Variants in NPHP4 observed in about 807,000 individuals in gnomAD.
The protein encoded by NPHP4 is nephrocystin 4.
A neutral mutation model predicts 155.8 loss-of-function variants in NPHP4; 151 were observed. The observed-to-expected ratio is 0.97, with a 90% CI of 0.85 to 1.11. The LOEUF is 1.11. Ranked by LOEUF, NPHP4 falls within the 50% of genes least tolerant of loss-of-function variation. NPHP4 has a pLI of 0.00. For missense variants in NPHP4, 1,956 were observed against 1,925.7 expected (o/e 1.02, Z -0.29); for synonymous variants, 845 against 816.8 (o/e 1.03, Z -0.59).
intron 2 of NPHP4, among the ~76,000 whole-genome samples, chr1:5,982,647 T>C (rs1267596246): frequency 6.6e-6 from 1 of 152,264 alleles, no homozygotes; most frequent in Middle Eastern, 3.2e-3. Flanking sequence ...CAGACGTCAC[T>C]GATTTTATAC....
intron 3 of NPHP4, among the ~76,000 whole-genome samples, chr1:5,971,611 C>T (rs1300890790): frequency 6.6e-6 from 1 of 152,244 alleles, no homozygotes; most frequent in African/African-American, 2.4e-5. Context: ...CCTCGGGTCA[C>T]CCCAGCAAAG....
In NPHP4 at chr1:5,952,850, G is replaced by T. The variant is rs956609831; in HGVS notation, c.674-14C>A. 1 of 1,591,258 alleles carries T rather than the reference G, an allele frequency of 6.3e-7. No homozygotes were observed. The highest frequency in any genetic ancestry group is 1.3e-5 in the African/African-American group (1 of 74,204). On this transcript the variant is annotated splice_polypyrimidine_tract_variant and intron_variant, in intron 6 of 29. Coordinates refer to ENST00000378156, the MANE Select transcript of NPHP4 (RefSeq NM_015102.5). ...GGAGAGCGTCGCCTGAAACAGTGAG[G>T]GTGCGAAAAGGGTCATCCTTGGGAA...
At chr1:5,941,729 C>T (rs913414666) in intron 9 of NPHP4, among the ~76,000 whole-genome samples, 12 of 152,212 alleles carry the variant, frequency 7.9e-5, no homozygotes, top group South Asian at 2.1e-4. Context: ...GGACTCCATC[C>T]GGCCAAATCT....
chr1:5,991,035 G>A (rs1656182238), intron 1 of NPHP4, among the ~76,000 whole-genome samples: 1 of 152,118 alleles, frequency 6.6e-6, no homozygotes, highest in Non-Finnish European at 1.5e-5. Context: ...CCCCCGGGAG[G>A]GTGCAGAGGT....
intron 9 of NPHP4, among the ~76,000 whole-genome samples, chr1:5,945,906 C>CG (rs975716075): frequency 2.0e-5 from 3 of 152,082 alleles, no homozygotes; most frequent in Non-Finnish European, 4.4e-5. Context: ...GGCATTGTCC[C>CG]CCCCCAGGGC....
chr1:5,956,335 C>T (rs1454068607), intron 6 of NPHP4, among the ~76,000 whole-genome samples: 3 of 152,210 alleles, frequency 2.0e-5, no homozygotes, highest in Admixed American at 6.5e-5. Flanking sequence ...AAAGCCATTC[C>T]AATAGTTGTG....
At chr1:5,954,957 A>C (rs898633787) in intron 6 of NPHP4, among the ~76,000 whole-genome samples, 1 of 152,210 alleles carries the variant, frequency 6.6e-6, no homozygotes, top group African/African-American at 2.4e-5. Flanking sequence ...CAATGGGAGA[A>C]AATATTTGTA....
chr1:5,964,941 A>ATATTTTTTTTTTTTTTTTTTTTTTT, intron 5 of NPHP4, among the ~76,000 whole-genome samples: 3 of 59,418 alleles, frequency 5.0e-5, no homozygotes, highest in East Asian at 3.9e-4. Context: ...ATATATATAT[A>ATATTTTTTTTTTTTTTTTTTTTTTT]TTTTTTTTTT....
intron 3 of NPHP4, among the ~76,000 whole-genome samples, chr1:5,972,408 G>A (rs918122758): frequency 6.6e-5 from 10 of 152,144 alleles, no homozygotes; most frequent in Admixed American, 6.6e-4. Context: ...ACAGCCCCCT[G>A]CCCCACGAAT....
chr1:5,923,396 AC>A (rs920651196), intron 11 of NPHP4, among the ~76,000 whole-genome samples: 1 of 152,236 alleles, frequency 6.6e-6, no homozygotes, highest in Admixed American at 6.5e-5. Context: ...GGGAAGGCCT[AC>A]CCTGACCCCA....
Position 5,863,897 on chromosome 1 carries a change from G to A in NPHP4, c.4133C>T (p.Ser1378Phe). The change falls in exon 29 of 30, where the codon TCC (serine) becomes TTC (phenylalanine). Residue 1378 changes from serine (S) to phenylalanine (F), a missense_variant. Coordinates refer to ENST00000378156, the MANE Select transcript of NPHP4 (RefSeq NM_015102.5). ...HPELLRFRED[S>F]FQVGGGETYT... ...GGCACAGCCCCACCACACCTGGAAG[G>A]AGTCCTCTCTGAACCGCAGCAGCTC... is the stretch of plus-strand genomic sequence containing the variant. 2 of 1,613,874 alleles carry A rather than the reference G, an allele frequency of 1.2e-6. No individual in the cohort carries two copies. The highest frequency in any genetic ancestry group is 2.2e-5 in the South Asian group (2 of 91,074).
intron 11 of NPHP4, among the ~76,000 whole-genome samples, chr1:5,917,069 G>A (rs1402165197): frequency 6.6e-6 from 1 of 152,156 alleles, no homozygotes; most frequent in Non-Finnish European, 1.5e-5. Context: ...CCAACCCAGA[G>A]GCAGCCACTA....
intron 16 of NPHP4, among the ~76,000 whole-genome samples, chr1:5,899,201 C>T (rs900597018): frequency 3.3e-5 from 5 of 152,134 alleles, no homozygotes; most frequent in South Asian, 2.1e-4. Context: ...ACACAACGGC[C>T]GTGCGCACCA....
intron 27 of NPHP4, 108 bp from the exon 28 acceptor site, chr1:5,864,625 T>G: frequency 8.8e-7 from 1 of 1,133,318 alleles, no homozygotes; most frequent in South Asian, 1.8e-5. Context: ...AGGTCATGGG[T>G]GGTTCCGGGG....
rs1272452222 is a variant in NPHP4, at chr1:5,890,741, A to G, written c.2304+127T>C. 1.4e-6 allele frequency: 1 copy of G among 732,380 alleles called. No homozygotes were observed. The highest frequency in any genetic ancestry group is 2.9e-5 in the East Asian group (1 of 34,076). 45.4% of individuals were successfully genotyped at this position (732,380 alleles called of 1,614,324 possible). ...GCAGCACTATTTTTAACGAGTGAAC[A>G]AAGAAGGTCAAACAAGTCCTGTGCG... On this transcript the variant is annotated intron_variant, in intron 17 of 29. Coordinates refer to ENST00000378156, the MANE Select transcript of NPHP4 (RefSeq NM_015102.5). The surrounding 1 kb of genome is among the most constrained non-coding windows in gnomAD (Gnocchi z 4.9).
chr1:5,897,604 C>A (rs958477127), intron 16 of NPHP4, among the ~76,000 whole-genome samples: 19 of 152,102 alleles, frequency 1.2e-4, no homozygotes, highest in African/African-American at 4.3e-4. Flanking sequence ...GAACACGGGA[C>A]GTTCTGCAAG....
At position 5,963,056 on chromosome 1, in the gene NPHP4, T is replaced by C. The variant is rs866800776; in HGVS notation, c.518-1107A>G. ...GAGAGTCACAAGTTCAGCTCATTCA[T>C]GTTCTGATTTCATAAAGAAAGAGCT... On this transcript the variant is annotated intron_variant, in intron 5 of 29. Coordinates refer to ENST00000378156, the MANE Select transcript of NPHP4 (RefSeq NM_015102.5). Among the ~76,000 whole-genome samples, 60 of 146,624 alleles carry C rather than the reference T, an allele frequency of 4.1e-4. 1 individual carries two copies. Among genetic ancestry groups the C allele is most frequent in the South Asian group, 6.5e-4 (3 of 4,618 alleles).
intron 3 of NPHP4, among the ~76,000 whole-genome samples, chr1:5,977,295 T>G (rs1653783653): frequency 6.6e-6 from 1 of 151,930 alleles, no homozygotes; most frequent in African/African-American, 2.4e-5. Flanking sequence ...AAACCTGGGC[T>G]CTCCTCTCGT....
chr1:5,872,492 T>C (rs1642106113), intron 23 of NPHP4, among the ~76,000 whole-genome samples: 1 of 152,182 alleles, frequency 6.6e-6, no homozygotes, highest in Non-Finnish European at 1.5e-5. Context: ...ATCAGATACA[T>C]TCCTTAGATC....
Sources: gnomAD v4.1 joint callset for allele counts (sites outside exome capture counted in the v4.1 genomes callset) on GRCh38, gnomAD v4.1.1 for gene constraint, Gnocchi (gnomAD v3.1) non-coding constraint, MANE v1.5 for transcripts, NCBI Gene and HGNC (gene_info 2026-07-23, HGNC 2026-07-21) for gene names.